THSD7B: variants seen among roughly 807,000 people sequenced by gnomAD.
The protein encoded by THSD7B is thrombospondin type-1 domain-containing protein 7B.
Under a neutral mutation model 213.6 loss-of-function variants are expected in THSD7B, and 138 were observed. The observed-to-expected ratio is 0.65, with a 90% confidence interval of 0.56 to 0.74. THSD7B has a LOEUF of 0.74. THSD7B is among the 30% of genes least tolerant of loss of function. The pLI is 0.00. For missense variants in THSD7B, 1,931 were observed against 1,991.5 expected, an observed-to-expected ratio of 0.97 and a Z score of 0.58; for synonymous variants, 742 against 687.0, an observed-to-expected ratio of 1.08 and a Z score of -1.25.
In THSD7B at chr2:137,581,776, A is replaced by T. The variant is rs200834661; in HGVS notation, c.3423+9220A>T. ...CTCCGTCTCAAAAAAAAAAATAAAA[A>T]AAAAAAAAATAATAATAAATAATAA... On this transcript the variant is annotated intron_variant, in intron 17 of 27. Transcript: ENST00000409968. 3.1e-4 allele frequency among the ~76,000 whole-genome samples: 46 copies of T among 148,094 alleles called. No homozygotes were observed. In the East Asian group the frequency reaches 5.4e-3, roughly 18 times the overall value.
Position 137,231,187 on chromosome 2 carries a change from G to T in THSD7B, c.1867G>T (p.Asp623Tyr). The T allele has an allele frequency of 1.2e-6, 2 of 1,613,286 alleles. No homozygotes were observed. Among genetic ancestry groups the T allele is most frequent in the Non-Finnish European group, 1.7e-6 (2 of 1,179,584 alleles). Residue 623 changes from aspartate (D) to tyrosine (Y), a missense_variant, in exon 8 of 28, where the codon GAT becomes TAT. By Grantham distance (160) the Asp-to-Tyr change is radical. Coordinates refer to ENST00000409968, the MANE Select transcript of THSD7B (RefSeq NM_001316349.2). ...CCAGTCCTGTTCAAATAAAAACTCA[G>T]ATGGGAAACAGACCAGGTCAAGAAC... is the stretch of plus-strand genomic sequence containing the variant. The part of the protein sequence containing the change: ...CSQSCSNKNS[D>Y]GKQTRSRTIL...
At chr2:136,800,477 A>G (rs1374057242) in intron 1 of THSD7B, among the ~76,000 whole-genome samples, 1 of 152,014 alleles carries the variant, frequency 6.6e-6, no homozygotes, top group Non-Finnish European at 1.5e-5. Context: ...GAGTTGTAGC[A>G]TAGTCCAGCT....
At chr2:137,358,918 G>T (rs769705785) in intron 12 of THSD7B, among the ~76,000 whole-genome samples, 6 of 152,108 alleles carry the variant, frequency 3.9e-5, no homozygotes, top group Admixed American at 2.6e-4. Flanking sequence ...GTGTTTGTAG[G>T]CTCCCTGAGT....
At chr2:137,537,561 TG>T (rs1285472404) in intron 15 of THSD7B, among the ~76,000 whole-genome samples, 21 of 151,700 alleles carry the variant, frequency 1.4e-4, no homozygotes, top group African/African-American at 4.6e-4. Context: ...ATAACTCTAA[TG>T]TGCTTAGAGT....
intron 15 of THSD7B, among the ~76,000 whole-genome samples, chr2:137,558,874 T>TTTGC (rs1186587063): frequency 1.1e-4 from 17 of 152,284 alleles, no homozygotes; most frequent in Middle Eastern, 3.4e-3. Flanking sequence ...AGTCTCAGGA[T>TTTGC]ACAAAATCAG....
intron 1 of THSD7B, among the ~76,000 whole-genome samples, chr2:136,832,069 G>A (rs1682766234): frequency 6.6e-6 from 1 of 151,980 alleles, no homozygotes; most frequent in Non-Finnish European, 1.5e-5. Flanking sequence ...TTTTGTATTA[G>A]CAATTTGACC....
intron 2 of THSD7B, among the ~76,000 whole-genome samples, chr2:136,920,698 G>A (rs993164638): frequency 6.6e-6 from 1 of 152,060 alleles, no homozygotes; most frequent in Admixed American, 6.5e-5. Flanking sequence ...GACCCTGTCT[G>A]CCTTTAACAT....
At chr2:137,338,179 TC>T (rs1388817409) in intron 12 of THSD7B, among the ~76,000 whole-genome samples, 3 of 152,060 alleles carry the variant, frequency 2.0e-5, no homozygotes, top group African/African-American at 7.2e-5. Flanking sequence ...GTTATTCAGG[TC>T]TTTTTTTCTC....
At chr2:137,651,845 T>C (rs1406263553) in intron 21 of THSD7B, among the ~76,000 whole-genome samples, 1 of 152,030 alleles carries the variant, frequency 6.6e-6, no homozygotes, top group Non-Finnish European at 1.5e-5. Context: ...TTAATTTCCA[T>C]GTATTTGTGT....
At chr2:137,301,402 C>A (rs894414429) in intron 12 of THSD7B, among the ~76,000 whole-genome samples, 5 of 134,188 alleles carry the variant, frequency 3.7e-5, no homozygotes, top group Admixed American at 3.5e-4. Context: ...TAGTAATAAA[C>A]AAAATTAAAC....
intron 5 of THSD7B, among the ~76,000 whole-genome samples, chr2:137,140,048 C>T (rs1045393698): frequency 1.3e-5 from 2 of 151,898 alleles, no homozygotes; most frequent in African/African-American, 4.8e-5. Flanking sequence ...CATTCATCAC[C>T]ATTTGGTTGA....
At chr2:137,521,300 G>A (rs1274788698) in intron 15 of THSD7B, among the ~76,000 whole-genome samples, 2 of 152,148 alleles carry the variant, frequency 1.3e-5, no homozygotes, top group African/African-American at 4.8e-5. Flanking sequence ...TTGTTGAGCT[G>A]TCCTTCTGGG....
At chr2:137,169,065 T>C (rs1680190351) in intron 6 of THSD7B, among the ~76,000 whole-genome samples, 1 of 150,504 alleles carries the variant, frequency 6.6e-6, no homozygotes, top group African/African-American at 2.4e-5. Context: ...GTCAATGCCA[T>C]GAGAATATAG....
At position 137,218,373 on chromosome 2, in the gene THSD7B, T is replaced by C. The variant is rs61231010; in HGVS notation, c.1724-12671T>C. On this transcript the variant is annotated intron_variant, in intron 7 of 27. Transcript: ENST00000409968. The stretch of plus-strand genomic sequence containing the variant: ...AACATTTGCTTAAGTTCACTCCTTG[T>C]GTTTTGAAATATCTCAGCATATATT... 2.0e-5 allele frequency among the ~76,000 whole-genome samples: 3 copies of C among 152,246 alleles called. No individual in the cohort carries two copies. The South Asian group carries it at 6.2e-4, about 32-fold the overall frequency.
chr2:136,778,696 T>C (rs1681659307), intron 1 of THSD7B, among the ~76,000 whole-genome samples: 1 of 152,144 alleles, frequency 6.6e-6, no homozygotes, highest in Non-Finnish European at 1.5e-5. Context: ...CCATATTTAC[T>C]TTTTCCTCAT....
intron 2 of THSD7B, among the ~76,000 whole-genome samples, chr2:136,971,414 A>T (rs1435460912): frequency 1.3e-5 from 2 of 152,162 alleles, no homozygotes; most frequent in Non-Finnish European, 2.9e-5. Flanking sequence ...GATATGTTGT[A>T]CCATGTGAAA....
chr2:137,076,383 C>T (rs1687623204), intron 3 of THSD7B, among the ~76,000 whole-genome samples: 1 of 152,236 alleles, frequency 6.6e-6, no homozygotes, highest in Non-Finnish European at 1.5e-5. Flanking sequence ...GTAGGACCCT[C>T]CGAGCCATGT....
chr2:136,864,264 T>G (rs1321626175), intron 1 of THSD7B, among the ~76,000 whole-genome samples: 6 of 152,178 alleles, frequency 3.9e-5, no homozygotes, highest in Admixed American at 3.9e-4. Flanking sequence ...CATTTGGTGT[T>G]GGGTACACAC....
intron 7 of THSD7B, among the ~76,000 whole-genome samples, chr2:137,212,355 A>G (rs1029838695): frequency 6.6e-6 from 1 of 152,058 alleles, no homozygotes; most frequent in African/African-American, 2.4e-5. Flanking sequence ...TCTCAATGGT[A>G]CACATAAGTT....
Sources: allele counts gnomAD v4.1 joint callset (sites outside exome capture counted in the v4.1 genomes callset), GRCh38; gene constraint gnomAD v4.1.1; transcripts MANE v1.5; gene names NCBI Gene and HGNC (gene_info 2026-07-23, HGNC 2026-07-21).